The following COL4A2 variants were observed in gnomAD, a reference collection of about 807,000 sequenced individuals.
The protein encoded by COL4A2 is collagen alpha-2(IV) chain.
In COL4A2, 99 loss-of-function variants were observed where a neutral mutation model predicts 200.2. The ratio of observed to expected loss-of-function variants is 0.49; its 90% CI spans 0.42 to 0.58. The LOEUF (loss-of-function observed/expected upper bound fraction) is 0.58, where lower values mean the gene tolerates loss of function less well. Among genes scored for constraint, COL4A2 ranks in the 20% least tolerant of loss-of-function variants. The pLI, the probability that COL4A2 is intolerant of heterozygous loss-of-function variation, is 0.00. For missense variants in COL4A2, 1,950 were observed against 2,314.1 expected, an observed-to-expected ratio of 0.84 and a Z score of 3.23; for synonymous variants, 897 against 900.6, an observed-to-expected ratio of 1.00 and a Z score of 0.07.
At chr13:110,392,623 T>TA (rs1879031728) in intron 4 of COL4A2, among the ~76,000 whole-genome samples, 1 of 152,156 alleles carries the variant, frequency 6.6e-6, no homozygotes, top group Non-Finnish European at 1.5e-5. Flanking sequence ...AAAAAGACCA[T>TA]ATTAGTACAA....
At chr13:110,347,856 T>C (rs1318116359) in intron 3 of COL4A2, among the ~76,000 whole-genome samples, 1 of 152,168 alleles carries the variant, frequency 6.6e-6, no homozygotes, top group Non-Finnish European at 1.5e-5. Context: ...AATGTAAAGG[T>C]GTGCAGATAT....
intron 45 of COL4A2, among the ~76,000 whole-genome samples, chr13:110,505,718 C>T (rs1056588683): frequency 6.6e-6 from 1 of 152,218 alleles, no homozygotes; most frequent in Non-Finnish European, 1.5e-5. Context: ...GCAGAAAGAA[C>T]ATTCTAACCC....
intron 4 of COL4A2, among the ~76,000 whole-genome samples, chr13:110,420,998 T>C (rs1278650692): frequency 6.6e-6 from 1 of 152,218 alleles, no homozygotes; most frequent in Non-Finnish European, 1.5e-5. Context: ...TGTGAAATGT[T>C]CCATCTCATC....
intron 11 of COL4A2, 122 bp from the exon 12 acceptor site, chr13:110,434,279 A>T: frequency 1.2e-6 from 1 of 807,890 alleles, no homozygotes; most frequent in Non-Finnish European, 2.0e-6. Flanking sequence ...TATTATGCAA[A>T]TATAGTTGCT....
intron 20 of COL4A2, among the ~76,000 whole-genome samples, chr13:110,456,239 C>A (rs1448379494): frequency 2.6e-5 from 4 of 152,238 alleles, no homozygotes; most frequent in African/African-American, 9.6e-5. Flanking sequence ...ACATGGCTGA[C>A]CATGCTGAAT....
chr13:110,475,452 T>C (rs938635830), intron 29 of COL4A2, among the ~76,000 whole-genome samples: 6 of 152,176 alleles, frequency 3.9e-5, no homozygotes, highest in Non-Finnish European at 7.3e-5. Context: ...GTACTTCTGG[T>C]AGAATTTTTT....
chr13:110,507,802 C>T (rs562416864), intron 46 of COL4A2, 133 bp from the exon 47 acceptor site: 4 of 855,640 alleles, frequency 4.7e-6, no homozygotes. Flanking sequence ...GCCTGGCCCT[C>T]CAGTAGGTGG....
Position 110,457,378 on chromosome 13 carries a change from G to A in COL4A2, c.1375G>A (p.Ala459Thr), listed in dbSNP as rs202017641. ...TGGGCTGAAAGGAGCAAAAGGAAGA[G>A]CAGGCTTCCCTGGGCTTCCCGGCTC... ...LFGLKGAKGRAGFPGLPGSPG... is the reference protein window; with the variant it reads ...LFGLKGAKGRTGFPGLPGSPG... The change falls in exon 21 of 48, where the codon GCA becomes ACA. Residue 459 changes from alanine (A) to threonine (T), a missense_variant. This residue lies in a region of COL4A2 where 1,385 missense variants were observed against 1,720.5 expected (regional missense o/e 0.80). Transcript: ENST00000360467. The A allele has an allele frequency of 2.4e-3, 3,946 of 1,613,230 alleles. 16 individuals carry two copies. The highest frequency in any genetic ancestry group is 3.0e-3 in the Non-Finnish European group (3,527 of 1,179,256).
intron 3 of COL4A2, chr13:110,328,227 A>G (rs781499171): frequency 6.6e-6 from 1 of 152,248 alleles, no homozygotes; most frequent in Non-Finnish European, 1.5e-5. Context: ...AATTTGTTTA[A>G]TTCGTCCTGA....
chr13:110,408,808 T>TACAC (rs368680031), intron 4 of COL4A2, among the ~76,000 whole-genome samples: 1 of 17,714 alleles, frequency 5.6e-5, no homozygotes, highest in East Asian at 9.6e-4. Context: ...CGCACACATA[T>TACAC]ATATACACAC....
At chr13:110,480,946 AC>A (rs1882881057) in intron 31 of COL4A2, among the ~76,000 whole-genome samples, 1 of 148,616 alleles carries the variant, frequency 6.7e-6, no homozygotes, top group Non-Finnish European at 1.5e-5. Flanking sequence ...CTGGAGACAC[AC>A]TGTTCTGTCC....
At chr13:110,411,980 G>A (rs1350961512) in intron 4 of COL4A2, among the ~76,000 whole-genome samples, 6 of 152,180 alleles carry the variant, frequency 3.9e-5, no homozygotes, top group Non-Finnish European at 5.9e-5. Flanking sequence ...AAAGTGCTCC[G>A]AACAGTGAAC....
At position 110,485,624 on chromosome 13, in the gene COL4A2, C is replaced by G. The variant is rs761195923; in HGVS notation, c.3026-31C>G. On this transcript the variant is annotated intron_variant, in intron 33 of 47. Transcript: ENST00000360467. ...TGGAGGGCGGGTGCTGCGTCCTCACCAGAGTGTTACACACCAGGGTCTTCC... is the reference window on the plus strand; with the variant it reads ...TGGAGGGCGGGTGCTGCGTCCTCACGAGAGTGTTACACACCAGGGTCTTCC... The G allele has an allele frequency of 1.1e-5, 17 of 1,557,160 alleles. No homozygotes were observed. In the African/African-American group the frequency reaches 1.9e-4, roughly 18 times the overall value.
chr13:110,490,788 A>G (rs1347077238), intron 36 of COL4A2, among the ~76,000 whole-genome samples: 1 of 152,210 alleles, frequency 6.6e-6, no homozygotes, highest in Non-Finnish European at 1.5e-5. Flanking sequence ...TCAACTGAAA[A>G]TGTGTCAGGG....
intron 4 of COL4A2, among the ~76,000 whole-genome samples, chr13:110,416,603 G>GA (rs936278819): frequency 6.6e-6 from 1 of 152,234 alleles, no homozygotes; most frequent in African/African-American, 2.4e-5. Context: ...TTAGAATAAG[G>GA]AGCAGGGGTT....
Position 110,386,048 on chromosome 13 carries a change from G to GGTTACAGTGTGTGGATAGACCGTA in COL4A2, c.180+28501_180+28502insAGTGTGTGGATAGACCGTAGTTAC, listed in dbSNP as rs1878733113. 3.2e-5 allele frequency among the ~76,000 whole-genome samples: 3 copies of GGTTACAGTGTGTGGATAGACCGTA among 93,878 alleles called. 1 individual carries two copies. In the South Asian group the frequency reaches 9.2e-4, roughly 29 times the overall value. 61.6% of individuals were successfully genotyped at this position (93,878 alleles called of 152,430 possible). ...TGGTTACAGTGTGTGGATAGACCGTGGTTACGTTTTGTGGATAAAGCATGG... is the reference window on the plus strand; with the variant it reads ...TGGTTACAGTGTGTGGATAGACCGTGGTTACAGTGTGTGGATAGACCGTAGTTACGTTTTGTGGATAAAGCATGG... On this transcript the variant is annotated intron_variant, in intron 4 of 47. Coordinates refer to ENST00000360467, the MANE Select transcript of COL4A2 (RefSeq NM_001846.4).
intron 4 of COL4A2, among the ~76,000 whole-genome samples, chr13:110,378,445 G>A (rs1044062369): frequency 1.3e-5 from 2 of 152,194 alleles, no homozygotes; most frequent in Non-Finnish European, 2.9e-5. Flanking sequence ...CCAGAGGTGC[G>A]CCTGCGGCCT....
At chr13:110,459,087 CCCCAA>C in intron 22 of COL4A2, 153 bp downstream of exon 22, 1 of 716,554 alleles carries the variant, frequency 1.4e-6, no homozygotes, top group Non-Finnish European at 2.1e-6. Context: ...AACCCACATA[CCCCAA>C]GGCGGACTTT....
chr13:110,308,200 C>A, intron 3 of COL4A2, 77 bp downstream of exon 3: 1 of 1,521,394 alleles, frequency 6.6e-7, no homozygotes, highest in Non-Finnish European at 9.1e-7. Context: ...GAGAAGGCAG[C>A]TCGTCCGTGC....
Sources: allele counts gnomAD v4.1 joint callset (sites outside exome capture counted in the v4.1 genomes callset), GRCh38; gene constraint gnomAD v4.1.1; regional missense constraint gnomAD v4.1.1; transcripts MANE v1.5; gene names NCBI Gene and HGNC (gene_info 2026-07-23, HGNC 2026-07-21).